RDH12: variants seen among roughly 807,000 people sequenced by gnomAD.
RDH12 encodes all-trans and 9-cis retinol dehydrogenase.
A neutral mutation model predicts 34.0 loss-of-function variants in RDH12; 21 were observed. The observed-to-expected ratio is 0.62, with a 90% confidence interval of 0.44 to 0.89. The LOEUF (loss-of-function observed/expected upper bound fraction) is 0.89, where lower values mean the gene tolerates loss of function less well. Ranked by LOEUF, RDH12 falls within the 40% of genes least tolerant of loss-of-function variation. The pLI is 0.00. For synonymous variants in RDH12, 198 were observed against 169.9 expected, an observed-to-expected ratio of 1.17 and a Z score of -1.29; for missense variants, 394 against 398.6, an observed-to-expected ratio of 0.99 and a Z score of 0.10.
At position 67,729,277 on chromosome 14, in the gene RDH12, C is replaced by A. The variant is rs1452061026; in HGVS notation, c.745C>A (p.Arg249=). ...RHSSLLCLLW[R]LFSPFVKTAR... is the part of the protein sequence containing the mutation. ...CTCCTCCCTGCTCTGCCTGCTCTGG[C>A]GGCTCTTCTCCCCCTTTGTCAAGAC... The change falls in exon 8 of 9, where the codon CGG becomes AGG. Residue 249 remains arginine, a synonymous_variant. Transcript: ENST00000551171. 3 of 1,605,996 alleles carry A rather than the reference C, an allele frequency of 1.9e-6. No individual in the cohort carries two copies. The highest frequency in any genetic ancestry group is 1.1e-5 in the South Asian group (1 of 91,008).
Position 67,732,176 on chromosome 14 carries a change from C to A in RDH12, c.849-1570C>A, listed in dbSNP as rs148620635. On this transcript the variant is annotated intron_variant, in intron 8 of 8. Transcript: ENST00000551171. ...TTAAGGCTGGGTGTGGCGGCTCATG[C>A]CTGTAGTCCCAGTACTTTGGGAGGC... is the stretch of plus-strand genomic sequence containing the variant. Among the ~76,000 whole-genome samples, 150 of 150,376 alleles carry A rather than the reference C, an allele frequency of 1.0e-3. 2 individuals carry two copies. Among genetic ancestry groups the A allele is most frequent in the African/African-American group, 3.4e-3 (138 of 40,836 alleles).
chr14:67,714,657 T>G (rs919636997), intron 1 of RDH12: 1 of 159,164 alleles, frequency 6.3e-6, no homozygotes, highest in African/African-American at 2.4e-5. Flanking sequence ...AGAAAGGTTA[T>G]GTTGCAGACA....
rs1255395184 is a variant in RDH12 at position 67,734,283 on chromosome 14, C to T, written c.*435C>T. The T allele has an allele frequency of 1.5e-5, 3 of 196,944 alleles. No homozygotes were observed. The highest frequency in any genetic ancestry group is 2.1e-5 in the Non-Finnish European group (2 of 94,098). 12.2% of individuals were successfully genotyped at this position (196,944 alleles called of 1,614,324 possible). On this transcript the variant is annotated 3_prime_UTR_variant, in exon 9 of 9. Coordinates refer to ENST00000551171, the MANE Select transcript of RDH12 (RefSeq NM_152443.3). The stretch of plus-strand genomic sequence containing the variant: ...TCTTTCTTTTTAAAAATATTTGCCA[C>T]CACCCTGGAGTCTAGACCAACACAC...
At position 67,720,656 on chromosome 14, in the gene RDH12, A is replaced by G. The variant is rs557756381; in HGVS notation, c.-274-192A>G. Among the ~76,000 whole-genome samples the G allele has an allele frequency of 9.8e-4, 149 of 152,238 alleles. 1 individual carries two copies. Among genetic ancestry groups the G allele is most frequent in the Non-Finnish European group, 1.6e-3 (106 of 68,008 alleles). The stretch of plus-strand genomic sequence containing the variant: ...ATTTGGGTCTATTTCTTGCCTTTCC[A>G]TTCTGTTCTATTGATTTGTCTGCCT... On this transcript the variant is annotated intron_variant, in intron 1 of 8. Coordinates refer to ENST00000551171, the MANE Select transcript of RDH12 (RefSeq NM_152443.3).
chr14:67,721,235 T>G (rs1344761114), intron 2 of RDH12, among the ~76,000 whole-genome samples: 3 of 152,178 alleles, frequency 2.0e-5, no homozygotes, highest in African/African-American at 7.2e-5. Context: ...TGTCTATTCT[T>G]CTGTCCAAGA....
intron 1 of RDH12, among the ~76,000 whole-genome samples, chr14:67,704,916 G>C (rs117569446): frequency 6.6e-6 from 1 of 152,164 alleles, no homozygotes; most frequent in African/African-American, 2.4e-5. Context: ...CACTCAGCAG[G>C]GGCATCTAAG....
chr14:67,707,849 T>C (rs1228883360), intron 1 of RDH12, among the ~76,000 whole-genome samples: 1 of 152,174 alleles, frequency 6.6e-6, no homozygotes, highest in Non-Finnish European at 1.5e-5. Context: ...TGACATTCTT[T>C]ACCTACCACA....
intron 1 of RDH12, among the ~76,000 whole-genome samples, chr14:67,712,836 A>G (rs12887092): frequency 0.13 from 19,207 of 152,110 alleles, 1,482 homozygotes; most frequent in South Asian, 0.33. Flanking sequence ...AGCTAGCAAA[A>G]AGGTGGCCTT....
chr14:67,707,058 T>A (rs894578771), intron 1 of RDH12, among the ~76,000 whole-genome samples: 4 of 152,256 alleles, frequency 2.6e-5, no homozygotes, highest in Admixed American at 6.5e-5. Flanking sequence ...GCGGTTTATG[T>A]ATGTAAATAG....
chr14:67,707,490 G>A (rs758521764), intron 1 of RDH12, among the ~76,000 whole-genome samples: 57 of 152,160 alleles, frequency 3.7e-4, no homozygotes, highest in African/African-American at 1.2e-3. Context: ...GTGCAGTGGC[G>A]TGATCTCAGC....
chr14:67,727,029 C>T lies in RDH12; in HGVS notation c.497C>T (p.Ala166Val). Reference sequence around the variant, plus strand: ...CTCCTGGAGCGGCTAAAGGTGTCTGCCCCTGCACGGGTGGTTAATGTGTCC... The same window carrying T: ...CTCCTGGAGCGGCTAAAGGTGTCTGTCCCTGCACGGGTGGTTAATGTGTCC... ...YLLLERLKVSAPARVVNVSSV... is the reference protein window; with the variant it reads ...YLLLERLKVSVPARVVNVSSV... Residue 166 changes from alanine (A) to valine (V), a missense_variant, in exon 7 of 9, where the codon GCC (alanine) becomes GTC (valine). Transcript: ENST00000551171. The T allele has an allele frequency of 6.2e-7, 1 of 1,613,668 alleles. No homozygotes were observed. Among genetic ancestry groups the T allele is most frequent in the Non-Finnish European group, 8.5e-7 (1 of 1,180,030 alleles).
intron 5 of RDH12, 125 bp downstream of exon 5, chr14:67,725,379 T>C: frequency 1.0e-6 from 1 of 990,476 alleles, no homozygotes; most frequent in African/African-American, 1.6e-5. Flanking sequence ...TTCTGCCACA[T>C]GAACCAGCAG....
At chr14:67,732,914 T>C (rs2038302375) in intron 8 of RDH12, among the ~76,000 whole-genome samples, 2 of 152,218 alleles carry the variant, frequency 1.3e-5, no homozygotes, top group African/African-American at 2.4e-5. Context: ...CAGCACTGCA[T>C]GTTCCGAATG....
At chr14:67,720,078 C>A (rs935942275) in intron 1 of RDH12, among the ~76,000 whole-genome samples, 1 of 152,210 alleles carries the variant, frequency 6.6e-6, no homozygotes, top group African/African-American at 2.4e-5. Context: ...TCTTCACATG[C>A]TTGCCAGTGG....
intron 1 of RDH12, among the ~76,000 whole-genome samples, chr14:67,720,159 T>G (rs2038107436): frequency 1.3e-5 from 2 of 152,252 alleles, no homozygotes; most frequent in African/African-American, 4.8e-5. Context: ...AATTTTAATT[T>G]GCATCTCTCA....
chr14:67,715,641 CAAGTTCGTTCTTTTTGT>C (rs1258956433), intron 1 of RDH12, among the ~76,000 whole-genome samples: 2 of 152,206 alleles, frequency 1.3e-5, no homozygotes, highest in African/African-American at 4.8e-5. Flanking sequence ...TCCCCAATGC[CAAGTTCGTTCTTTTTGT>C]AAGTATCTTC....
chr14:67,724,680 C>T lies in RDH12; in HGVS notation c.187+89C>T, dbSNP rs1403050937. On this transcript the variant is annotated intron_variant, in intron 4 of 8. Transcript: ENST00000551171. ...CTGTCCATATTGCTTTGTGTTTCCT[C>T]CTAGGCTTGGGGGCTCTGACTAGAA... 1.2e-5 allele frequency: 12 copies of T among 1,040,526 alleles called. No homozygotes were observed. In the East Asian group the frequency reaches 1.7e-4, roughly 15 times the overall value. 64.5% of individuals were successfully genotyped at this position (1,040,526 alleles called of 1,614,324 possible).
chr14:67,724,033 C>T (rs992425029), intron 3 of RDH12, among the ~76,000 whole-genome samples: 2 of 152,248 alleles, frequency 1.3e-5, no homozygotes, highest in Non-Finnish European at 2.9e-5. Flanking sequence ...GTGCCACCCC[C>T]CACAGAGTGC....
intron 1 of RDH12, among the ~76,000 whole-genome samples, chr14:67,710,536 A>T (rs1022715969): frequency 3.3e-5 from 5 of 152,148 alleles, no homozygotes; most frequent in African/African-American, 7.2e-5. Context: ...TCTAGGACTA[A>T]ATTTACCACA....
Sources: allele counts gnomAD v4.1 joint callset (sites outside exome capture counted in the v4.1 genomes callset), GRCh38; gene constraint gnomAD v4.1.1; transcripts MANE v1.5; gene names NCBI Gene and HGNC (gene_info 2026-07-23, HGNC 2026-07-21).